Variants in URB1 observed in about 807,000 individuals in gnomAD.
URB1 encodes the protein URB1 ribosome biogenesis factor, also known as nucleolar pre-ribosomal-associated protein 1.
URB1 carries 197 observed loss-of-function variants against 242.3 expected under a neutral mutation model. The observed-to-expected ratio is 0.81, with a 90% CI of 0.72 to 0.91. URB1 has a LOEUF of 0.91. Among genes scored for constraint, URB1 ranks in the 40% least tolerant of loss-of-function variants. The pLI, the probability that URB1 is intolerant of heterozygous loss-of-function variation, is 0.00. For missense variants in URB1, 2,721 were observed against 2,860.5 expected (o/e 0.95, Z 1.11); for synonymous variants, 1,153 against 1,201.8 (o/e 0.96, Z 0.84).
At chr21:32,383,615 C>T (rs2033550993) in intron 3 of URB1, 61 bp from the exon 4 acceptor site, 1 of 1,456,852 alleles carries the variant, frequency 6.9e-7, no homozygotes, top group Non-Finnish European at 9.1e-7. Context: ...AGAGCCGCCT[C>T]ACCACAAAGC....
intron 1 of URB1, among the ~76,000 whole-genome samples, chr21:32,385,909 T>C (rs2033579303): frequency 6.6e-6 from 1 of 152,126 alleles, no homozygotes. Context: ...CCCAGCACTT[T>C]GGGAGGCTAA....
intron 38 of URB1, among the ~76,000 whole-genome samples, chr21:32,315,470 C>T (rs561262575): frequency 1.3e-5 from 2 of 152,052 alleles, no homozygotes; most frequent in South Asian, 2.1e-4. Flanking sequence ...TGTGCCACCA[C>T]GCCCGGCTAA....
chr21:32,345,374 C>T lies in URB1; in HGVS notation c.4070G>A (p.Arg1357Lys). ...CTGCAACCAACCTGAGCCTTCATAC[C>T]TCTTGTGACTGCTTGGGGTGTGAAG... The part of the protein sequence containing the change: ...SLLHTPSSHK[R>K]WIVADSISAA... Residue 1357 changes from arginine to lysine, a missense_variant and splice_region_variant, in exon 23 of 39, where the codon AGG becomes AAG. Coordinates refer to ENST00000382751, the MANE Select transcript of URB1 (RefSeq NM_014825.3). 6.4e-7 allele frequency: 1 copy of T among 1,550,968 alleles called. No individual in the cohort carries two copies. Among genetic ancestry groups the T allele is most frequent in the South Asian group, 1.2e-5 (1 of 83,992 alleles).
At chr21:32,361,191 G>GAAAGAAAGAAAGAA (rs1395502571) in intron 12 of URB1, 68 bp from the exon 13 acceptor site, 5 of 871,906 alleles carry the variant, frequency 5.7e-6, no homozygotes, top group African/African-American at 3.4e-5. Flanking sequence ...AAGAAAGAAA[G>GAAAGAAAGAAAGAA]AAAGAAAGAA....
At position 32,314,489 on chromosome 21, in the gene URB1, A is replaced by C; in HGVS notation, c.*429T>G. 6.6e-7 allele frequency: 1 copy of C among 1,519,930 alleles called. No homozygotes were observed. The highest frequency in any genetic ancestry group is 9.1e-7 in the Non-Finnish European group (1 of 1,094,952). The allele number at this position is 1,519,930 out of a possible 1,614,324, so 94.2% of individuals were successfully genotyped here. A position where few individuals can be genotyped will look rare whatever the true frequency, so the allele number is the denominator to read the frequency against. On this transcript the variant is annotated 3_prime_UTR_variant, in exon 39 of 39. Transcript: ENST00000382751. Reference sequence around the variant, plus strand: ...CGTGAGCCACCTCACCTGCTGAAAAATAAACTTTAAACATCTCTCTTCGTT... The same window carrying C: ...CGTGAGCCACCTCACCTGCTGAAAACTAAACTTTAAACATCTCTCTTCGTT...
chr21:32,375,402 G>A lies in URB1; in HGVS notation c.746C>T (p.Thr249Ile). 6.6e-7 allele frequency: 1 copy of A among 1,522,384 alleles called. No homozygotes were observed. Among genetic ancestry groups the A allele is most frequent in the Non-Finnish European group, 8.8e-7 (1 of 1,131,552 alleles). The allele number at this position is 1,522,384 out of a possible 1,614,324, so 94.3% of individuals were successfully genotyped here. Residue 249 changes from threonine to isoleucine, a missense_variant, in exon 6 of 39, where the codon ACA becomes ATA. By Grantham distance (89) the Thr-to-Ile change is moderately conservative. Coordinates refer to ENST00000382751, the MANE Select transcript of URB1 (RefSeq NM_014825.3). ...CGCGGATCACCAAGCACATACCTTT[G>A]TTTTCAGTGTGGATAATAAAATATT... ...TINILLSTLKTKVVHNKNITK... is the reference protein window; with the variant it reads ...TINILLSTLKIKVVHNKNITK...
intron 30 of URB1, among the ~76,000 whole-genome samples, chr21:32,330,943 C>G (rs1374235235): frequency 6.6e-6 from 1 of 152,208 alleles, no homozygotes; most frequent in East Asian, 1.9e-4. Context: ...TCTATGATAT[C>G]CTAGCCTCTT....
intron 30 of URB1, 137 bp from the exon 31 acceptor site, chr21:32,325,526 A>G (rs566619824): frequency 8.8e-7 from 1 of 1,130,204 alleles, no homozygotes; most frequent in East Asian, 2.7e-5. Context: ...TCTCTCTCCA[A>G]CTCCTCCTAA....
rs1232836966 is a variant in URB1, at chr21:32,355,004, A to G, written c.2107-7T>C. On this transcript the variant is annotated splice_region_variant and splice_polypyrimidine_tract_variant and intron_variant, in intron 16 of 38. Transcript: ENST00000382751. ...CCACCAATGTCAATAAAATCTGGGCATTAAAGAGCCAAATAGAAAGCATTC... is the reference window on the plus strand; with the variant it reads ...CCACCAATGTCAATAAAATCTGGGCGTTAAAGAGCCAAATAGAAAGCATTC... The G allele has an allele frequency of 1.3e-6, 2 of 1,546,210 alleles. No homozygotes were observed. Among genetic ancestry groups the G allele is most frequent in the South Asian group, 1.2e-5 (1 of 83,568 alleles).
intron 14 of URB1, 110 bp from the exon 15 acceptor site, chr21:32,357,766 A>G: frequency 1.1e-6 from 1 of 901,738 alleles, no homozygotes; most frequent in Non-Finnish European, 1.4e-6. Flanking sequence ...GGTGGCTTAC[A>G]CCTGTAATCT....
intron 21 of URB1, among the ~76,000 whole-genome samples, chr21:32,348,737 G>A (rs910549820): frequency 2.0e-5 from 3 of 152,194 alleles, no homozygotes; most frequent in Non-Finnish European, 4.4e-5. Flanking sequence ...GCTAATAATA[G>A]GTGGTCCCAC....
rs1416727301 is a variant in URB1, at chr21:32,317,055, C to A, written c.6045G>T (p.Lys2015Asn). The change falls in exon 38 of 39, where the codon AAG becomes AAT. Residue 2015 changes from lysine to asparagine, a missense_variant. Physicochemically the swap from Lys to Asn is moderately conservative, Grantham distance 94 (BLOSUM62 0). Transcript: ENST00000382751. ...AQARELMKML[K>N]DKNKPVMPAR... is the part of the protein sequence containing the mutation. ...CTGGCATGACAGGCTTGTTCTTATC[C>A]TTGAGCATTTCTGTTAAATGCACAA... is the stretch of plus-strand genomic sequence containing the variant. 8 of 1,534,524 alleles carry A rather than the reference C, an allele frequency of 5.2e-6. No homozygotes were observed. Among genetic ancestry groups the A allele is most frequent in the Middle Eastern group, 1.8e-4 (1 of 5,648 alleles).
intron 28 of URB1, among the ~76,000 whole-genome samples, chr21:32,335,035 A>G (rs2032942059): frequency 6.6e-6 from 1 of 151,714 alleles, no homozygotes. Context: ...CGCTGCTGCC[A>G]GGCCGCTCCC....
intron 7 of URB1, 90 bp downstream of exon 7, chr21:32,373,557 G>C: frequency 7.3e-7 from 1 of 1,374,738 alleles, no homozygotes; most frequent in Non-Finnish European, 9.6e-7. Context: ...GGGACTTCAA[G>C]TCTGGTGCGG....
In URB1 at chr21:32,366,674, T is replaced by A; in HGVS notation, c.1279A>T (p.Met427Leu). 1 of 1,551,506 alleles carries A rather than the reference T, an allele frequency of 6.4e-7. No individual in the cohort carries two copies. Among genetic ancestry groups the A allele is most frequent in the Non-Finnish European group, 8.7e-7 (1 of 1,146,836 alleles). ...CACACCAGGGGCACGGTGGTCACCA[T>A]CACCATTGCCAGGAGCCGAGGCAAG... ...IPLPRLLAMV[M>L]VTTVPLVCNK... The change falls in exon 10 of 39, where the codon ATG becomes TTG. Residue 427 changes from methionine (M) to leucine (L), a missense_variant. Met to Leu is a conservative substitution (Grantham distance 15). Transcript: ENST00000382751.
chr21:32,337,702 T>G (rs2032977936), intron 26 of URB1, among the ~76,000 whole-genome samples, 188 bp from the exon 27 acceptor site: 1 of 151,720 alleles, frequency 6.6e-6, no homozygotes, highest in Admixed American at 6.5e-5. Flanking sequence ...CTTTTCTTTT[T>G]TTCTTTTTTT....
chr21:32,337,340 C>T, intron 27 of URB1, 64 bp downstream of exon 27: 1 of 1,458,378 alleles, frequency 6.9e-7, no homozygotes, highest in African/African-American at 1.4e-5. Context: ...TTCCCTATCT[C>T]TGCTCACACC....
At chr21:32,352,069 G>T (rs1028285937) in intron 19 of URB1, among the ~76,000 whole-genome samples, 2 of 152,160 alleles carry the variant, frequency 1.3e-5, no homozygotes, top group Non-Finnish European at 2.9e-5. Context: ...AATCGCTGTT[G>T]GCTATTGCTA....
At position 32,312,203 on chromosome 21, in the gene URB1, T is replaced by C. The variant is rs746979733; in HGVS notation, c.*2715A>G. ...AGGTCATCCCAGGTGTTGCTGAGTTTATTGAGCACACCTAGCCTGCTTGCT... is the reference window on the plus strand; with the variant it reads ...AGGTCATCCCAGGTGTTGCTGAGTTCATTGAGCACACCTAGCCTGCTTGCT... On this transcript the variant is annotated 3_prime_UTR_variant, in exon 39 of 39. Transcript: ENST00000382751. 127 of 1,486,036 alleles carry C rather than the reference T, an allele frequency of 8.5e-5. No individual in the cohort carries two copies. Among genetic ancestry groups the C allele is most frequent in the Middle Eastern group, 2.3e-4 (1 of 4,436 alleles). 92.1% of individuals were successfully genotyped at this position (1,486,036 alleles called of 1,614,324 possible). A position where few individuals can be genotyped will look rare whatever the true frequency, so the allele number is the denominator to read the frequency against.
Sources: gnomAD v4.1 joint callset for allele counts (sites outside exome capture counted in the v4.1 genomes callset) on GRCh38, gnomAD v4.1.1 for gene constraint, MANE v1.5 for transcripts, NCBI Gene and HGNC (gene_info 2026-07-23, HGNC 2026-07-21) for gene names.